The following RAD51C variants were observed in gnomAD, a reference collection of about 807,000 sequenced individuals.
The protein encoded by RAD51C is RAD51 paralog C, also known as DNA repair protein RAD51 homolog 3.
Under a neutral mutation model 45.0 loss-of-function variants are expected in RAD51C, and 42 were observed. That is an observed-to-expected ratio of 0.93 (90% CI 0.73 to 1.21). The LOEUF (loss-of-function observed/expected upper bound fraction) is 1.21. RAD51C is among the 50% of genes most tolerant of loss of function. RAD51C has a pLI of 0.00. For synonymous variants in RAD51C, 172 were observed against 159.8 expected (o/e 1.08, Z -0.58); for missense variants, 474 against 452.2 (o/e 1.05, Z -0.44).
chr17:58,730,204 G>A lies in RAD51C; in HGVS notation c.966-2280G>A, dbSNP rs186887173. ...TTTTGAGATGGAGTCTCGCCCTGTC[G>A]CCCAGGCTGGAGTGCAGAGGCACGA... On this transcript the variant is annotated intron_variant, in intron 7 of 8. Coordinates refer to ENST00000337432, the MANE Select transcript of RAD51C (RefSeq NM_058216.3). Among the ~76,000 whole-genome samples, 15 of 132,766 alleles carry A rather than the reference G, an allele frequency of 1.1e-4. No individual in the cohort carries two copies. The highest frequency in any genetic ancestry group is 2.9e-4 in the African/African-American group (10 of 34,972). 87.1% of individuals were successfully genotyped at this position (132,766 alleles called of 152,430 possible). A position where few individuals can be genotyped will look rare whatever the true frequency, so the allele number is the denominator to read the frequency against.
intron 5 of RAD51C, among the ~76,000 whole-genome samples, chr17:58,710,499 G>T (rs1254242777): frequency 8.9e-6 from 1 of 112,220 alleles, no homozygotes. Flanking sequence ...CCGTCTCAAG[G>T]CAAAAAAAAA....
At chr17:58,706,483 TTC>T (rs1429725765) in intron 4 of RAD51C, 1 of 415,090 alleles carries the variant, frequency 2.4e-6, no homozygotes, top group South Asian at 1.8e-5. Flanking sequence ...ATGCTCTGCC[TTC>T]CAGGCCCACT....
At chr17:58,715,643 A>C (rs913694411) in intron 5 of RAD51C, among the ~76,000 whole-genome samples, 1 of 152,040 alleles carries the variant, frequency 6.6e-6, no homozygotes, top group African/African-American at 2.4e-5. Context: ...TGATGTTTTC[A>C]AGGTTTATCT....
rs67254535 is a variant in RAD51C at position 58,703,933 on chromosome 17, CTTTTTTTTTT to C, written c.705+622_705+631del. Among the ~76,000 whole-genome samples, 117 of 66,528 alleles carry C rather than the reference CTTTTTTTTTT, an allele frequency of 1.8e-3. 2 individuals carry two copies. Among genetic ancestry groups the C allele is most frequent in the African/African-American group, 5.7e-3 (109 of 19,198 alleles). 43.6% of individuals were successfully genotyped at this position (66,528 alleles called of 152,430 possible). ...GAGCTACCGTGCCATCATGTATCAC[CTTTTTTTTTT>C]TTTTTTTTTTTTTTTTTGGGTAGAA... On this transcript the variant is annotated intron_variant, in intron 4 of 8. Transcript: ENST00000337432.
intron 7 of RAD51C, among the ~76,000 whole-genome samples, chr17:58,730,331 ATTT>A (rs374899142): frequency 3.0e-5 from 4 of 135,044 alleles, no homozygotes; most frequent in Admixed American, 7.5e-5. Context: ...CGCCCAGCTA[ATTT>A]TTTTTTTTTT....
intron 5 of RAD51C, among the ~76,000 whole-genome samples, chr17:58,720,162 C>T (rs2048866121): frequency 6.6e-6 from 1 of 151,366 alleles, no homozygotes; most frequent in Admixed American, 6.6e-5. Context: ...ACCTGTAATA[C>T]CAGCACTTTG....
chr17:58,703,154 T>A (rs779251993), intron 3 of RAD51C, 42 bp from the exon 4 acceptor site: 3 of 1,597,660 alleles, frequency 1.9e-6, no homozygotes, highest in Non-Finnish European at 2.6e-6. Context: ...TGCCAATACA[T>A]CCAAACAGGT....
intron 5 of RAD51C, among the ~76,000 whole-genome samples, chr17:58,717,613 G>C (rs1486827055): frequency 6.6e-6 from 1 of 152,082 alleles, no homozygotes; most frequent in Non-Finnish European, 1.5e-5. Context: ...GCTCACACCT[G>C]TAATCCCAGC....
At chr17:58,721,831 A>ATG (rs2048928397) in intron 6 of RAD51C, among the ~76,000 whole-genome samples, 2 of 152,252 alleles carry the variant, frequency 1.3e-5, no homozygotes, top group African/African-American at 4.8e-5. Flanking sequence ...TAAACAGATA[A>ATG]TGTAGTAAAG....
rs1345932256 is a variant in RAD51C, at chr17:58,709,929, C to G, written c.776C>G (p.Thr259Ser). 1 of 1,612,338 alleles carries G rather than the reference C, an allele frequency of 6.2e-7. No homozygotes were observed. The highest frequency in any genetic ancestry group is 1.7e-5 in the Admixed American group (1 of 59,966). ...RHDLDDLSLRTRLLNGLAQQM... is the reference protein window; with the variant it reads ...RHDLDDLSLRSRLLNGLAQQM... ...GACCTAGATGACCTGTCTCTTCGTA[C>G]TCGGTTATTAAATGGCCTAGCCCAG... The change falls in exon 5 of 9, where the codon ACT (threonine) becomes AGT (serine). Residue 259 changes from threonine (T) to serine (S), a missense_variant. Coordinates refer to ENST00000337432, the MANE Select transcript of RAD51C (RefSeq NM_058216.3).
intron 4 of RAD51C, among the ~76,000 whole-genome samples, chr17:58,708,702 G>T (rs879612598): frequency 1.9e-4 from 16 of 84,458 alleles, no homozygotes; most frequent in Non-Finnish European, 4.0e-4. Context: ...TTTTTGCTTT[G>T]GGGGGGGCTT....
At chr17:58,715,840 C>A (rs973236937) in intron 5 of RAD51C, among the ~76,000 whole-genome samples, 1 of 152,114 alleles carries the variant, frequency 6.6e-6, no homozygotes, top group Non-Finnish European at 1.5e-5. Context: ...CATGGTGGCT[C>A]ACGCCTGTAA....
intron 7 of RAD51C, among the ~76,000 whole-genome samples, chr17:58,731,807 A>C (rs893256227): frequency 6.6e-6 from 1 of 152,060 alleles, no homozygotes; most frequent in African/African-American, 2.4e-5. Context: ...GATGGCTTCA[A>C]ACTCCTGGTC....
chr17:58,703,421 C>A (rs2143804496), intron 4 of RAD51C, 92 bp downstream of exon 4: 1 of 1,388,410 alleles, frequency 7.2e-7, no homozygotes, highest in South Asian at 1.3e-5. Context: ...AGCATAAAAT[C>A]AAAGTCAAAG....
intron 3 of RAD51C, among the ~76,000 whole-genome samples, chr17:58,701,835 T>C (rs2048221770): frequency 6.6e-6 from 1 of 152,008 alleles, no homozygotes; most frequent in African/African-American, 2.4e-5. Context: ...AGTGCTGTGA[T>C]TACAAGTGTG....
intron 3 of RAD51C, among the ~76,000 whole-genome samples, chr17:58,700,720 G>A (rs8070828): frequency 6.6e-4 from 101 of 152,118 alleles, no homozygotes; most frequent in African/African-American, 2.4e-3. Context: ...GATTACAGGC[G>A]TGAGCCACCA....
intron 5 of RAD51C, among the ~76,000 whole-genome samples, chr17:58,714,622 C>T (rs1369212370): frequency 2.0e-5 from 3 of 152,040 alleles, no homozygotes; most frequent in Non-Finnish European, 2.9e-5. Flanking sequence ...CCATGCCCGG[C>T]TAATTTTTTA....
At chr17:58,700,740 T>C (rs1351751817) in intron 3 of RAD51C, among the ~76,000 whole-genome samples, 1 of 151,852 alleles carries the variant, frequency 6.6e-6, no homozygotes, top group Non-Finnish European at 1.5e-5. Flanking sequence ...ACACCTGGCC[T>C]AAAGTTTTTA....
chr17:58,708,883 T>G (rs1378402397), intron 4 of RAD51C, among the ~76,000 whole-genome samples: 2 of 151,574 alleles, frequency 1.3e-5, no homozygotes, highest in African/African-American at 4.8e-5. Flanking sequence ...GTTTTTTTGT[T>G]TTTTGTTTTT....
Sources: gnomAD v4.1 joint callset for allele counts (sites outside exome capture counted in the v4.1 genomes callset) on GRCh38, gnomAD v4.1.1 for gene constraint, MANE v1.5 for transcripts, NCBI Gene and HGNC (gene_info 2026-07-23, HGNC 2026-07-21) for gene names.